The following DOK6 variants were observed in gnomAD, a reference collection of about 807,000 sequenced individuals.
DOK6 encodes the protein downstream of tyrosine kinase 6.
In DOK6, 22 loss-of-function variants were observed where a neutral mutation model predicts 44.0. The ratio of observed to expected loss-of-function variants is 0.50; its 90% CI spans 0.36 to 0.71. The LOEUF (loss-of-function observed/expected upper bound fraction) is 0.71, where lower values mean the gene tolerates loss of function less well. Among genes scored for constraint, DOK6 ranks in the 30% least tolerant of loss-of-function variants. DOK6 has a pLI of 0.00. For missense variants in DOK6, 340 were observed against 416.4 expected, an observed-to-expected ratio of 0.82 and a Z score of 1.60; for synonymous variants, 166 against 145.5, an observed-to-expected ratio of 1.14 and a Z score of -1.01.
chr18:69,594,733 A>G (rs1361199348), intron 2 of DOK6, among the ~76,000 whole-genome samples: 3 of 152,108 alleles, frequency 2.0e-5, no homozygotes, highest in Non-Finnish European at 2.9e-5. Flanking sequence ...TCACACCTGC[A>G]ATGCTAACAC....
intron 1 of DOK6, among the ~76,000 whole-genome samples, chr18:69,512,782 T>C (rs1243863166): frequency 6.6e-6 from 1 of 152,206 alleles, no homozygotes; most frequent in East Asian, 1.9e-4. Context: ...CTCTGTGACT[T>C]AGTGCCCCGT....
In DOK6 at chr18:69,438,562, T is replaced by C. The variant is rs571495291; in HGVS notation, c.66+37252T>C. The stretch of plus-strand genomic sequence containing the variant: ...CAAACTCCCTGTTAATGTGGATATT[T>C]TGACCTCCTCCAATGAATCAGAAAT... On this transcript the variant is annotated intron_variant, in intron 1 of 7. Transcript: ENST00000382713. Among the ~76,000 whole-genome samples, 7 of 152,336 alleles carry C rather than the reference T, an allele frequency of 4.6e-5. No individual in the cohort carries two copies. The South Asian group carries it at 1.4e-3, about 32-fold the overall frequency.
At chr18:69,597,948 C>T (rs926702796) in intron 2 of DOK6, among the ~76,000 whole-genome samples, 1 of 152,146 alleles carries the variant, frequency 6.6e-6, no homozygotes, top group Non-Finnish European at 1.5e-5. Context: ...TTAAAAAATA[C>T]CTGATGACTT....
intron 7 of DOK6, among the ~76,000 whole-genome samples, chr18:69,830,491 A>G (rs767511129): frequency 6.6e-6 from 1 of 152,184 alleles, no homozygotes; most frequent in Non-Finnish European, 1.5e-5. Context: ...CAGCACAAAG[A>G]TGGCCATCTG....
chr18:69,433,429 A>G (rs1978861499), intron 1 of DOK6, among the ~76,000 whole-genome samples: 1 of 152,234 alleles, frequency 6.6e-6, no homozygotes, highest in African/African-American at 2.4e-5. Context: ...AGTGAGCTAC[A>G]TTTTTAAAAA....
intron 7 of DOK6, among the ~76,000 whole-genome samples, chr18:69,825,286 A>G (rs992080059): frequency 6.6e-6 from 1 of 152,196 alleles, no homozygotes; most frequent in Non-Finnish European, 1.5e-5. Context: ...ATGGAAACAT[A>G]AATGGTTTAC....
At chr18:69,797,938 A>G (rs1232739174) in intron 7 of DOK6, among the ~76,000 whole-genome samples, 1 of 152,158 alleles carries the variant, frequency 6.6e-6, no homozygotes, top group East Asian at 1.9e-4. Context: ...CCCAGGTGAA[A>G]GAATCTAGAA....
At chr18:69,419,336 T>A (rs1429020525) in intron 1 of DOK6, among the ~76,000 whole-genome samples, 1 of 152,044 alleles carries the variant, frequency 6.6e-6, no homozygotes, top group Non-Finnish European at 1.5e-5. Flanking sequence ...TAAATGACAA[T>A]AAAAGTGTGC....
At chr18:69,457,887 T>C (rs919373383) in intron 1 of DOK6, among the ~76,000 whole-genome samples, 11 of 152,182 alleles carry the variant, frequency 7.2e-5, no homozygotes, top group African/African-American at 2.4e-4. Context: ...CTCACGCCTG[T>C]AATCTCAGCA....
intron 5 of DOK6, among the ~76,000 whole-genome samples, chr18:69,731,702 A>T (rs1186457887): frequency 6.6e-6 from 1 of 152,180 alleles, no homozygotes; most frequent in African/African-American, 2.4e-5. Flanking sequence ...TCTCCTCAAA[A>T]TGTTGAAAAA....
At chr18:69,543,433 G>A (rs1395608331) in intron 1 of DOK6, among the ~76,000 whole-genome samples, 1 of 151,558 alleles carries the variant, frequency 6.6e-6, no homozygotes, top group Non-Finnish European at 1.5e-5. Flanking sequence ...AAACAAGGAT[G>A]AAGGAAACAG....
chr18:69,713,650 C>T (rs957952897), intron 5 of DOK6, among the ~76,000 whole-genome samples: 3 of 152,116 alleles, frequency 2.0e-5, no homozygotes, highest in African/African-American at 7.2e-5. Flanking sequence ...GTAAAACGGC[C>T]TCTAAAATTG....
chr18:69,706,573 G>A (rs1180308345), intron 5 of DOK6, among the ~76,000 whole-genome samples: 2 of 151,100 alleles, frequency 1.3e-5, no homozygotes, highest in African/African-American at 4.9e-5. Context: ...TGTGCACAAT[G>A]TGCAGGTTAG....
intron 7 of DOK6, chr18:69,781,243 G>A (rs994979611): frequency 1.3e-5 from 2 of 152,102 alleles, no homozygotes; most frequent in African/African-American, 2.4e-5. Flanking sequence ...TTTGCCAAAG[G>A]AAGAGTGAAG....
At chr18:69,427,953 T>A (rs534989149) in intron 1 of DOK6, among the ~76,000 whole-genome samples, 132 of 152,162 alleles carry the variant, frequency 8.7e-4, no homozygotes, top group African/African-American at 3.0e-3. Context: ...AATTTTTGTA[T>A]TTTTAGTAAA....
chr18:69,626,318 A>G (rs766055007), intron 3 of DOK6, among the ~76,000 whole-genome samples: 2 of 152,208 alleles, frequency 1.3e-5, no homozygotes, highest in Non-Finnish European at 2.9e-5. Context: ...ATATTCCCAC[A>G]TTCCCCTGAC....
chr18:69,402,954 C>A (rs748570608), intron 1 of DOK6, among the ~76,000 whole-genome samples: 3 of 152,200 alleles, frequency 2.0e-5, no homozygotes, highest in Non-Finnish European at 4.4e-5. Flanking sequence ...AAGTCTGTCA[C>A]CACACAGCTG....
intron 1 of DOK6, among the ~76,000 whole-genome samples, chr18:69,563,022 T>C (rs1379884666): frequency 6.6e-5 from 10 of 152,184 alleles, no homozygotes. Context: ...AAAGAAGATA[T>C]TTATGCAGCC....
intron 3 of DOK6, among the ~76,000 whole-genome samples, chr18:69,633,833 C>T (rs577026621): frequency 6.6e-6 from 1 of 152,018 alleles, no homozygotes; most frequent in African/African-American, 2.4e-5. Context: ...ACAAATATTT[C>T]AACTCTAAAC....
Sources: gnomAD v4.1 joint callset for allele counts (sites outside exome capture counted in the v4.1 genomes callset) on GRCh38, gnomAD v4.1.1 for gene constraint, MANE v1.5 for transcripts, NCBI Gene and HGNC (gene_info 2026-07-23, HGNC 2026-07-21) for gene names.